COL8A1: variants seen among roughly 807,000 people sequenced by gnomAD.
The protein encoded by COL8A1 is collagen alpha-1(VIII) chain.
A neutral mutation model predicts 42.7 loss-of-function variants in COL8A1; 21 were observed. The ratio of observed to expected loss-of-function variants is 0.49; its 90% CI spans 0.35 to 0.71. COL8A1 has a LOEUF of 0.71. COL8A1 is among the 30% of genes least tolerant of loss of function. The probability of loss-of-function intolerance (pLI) is 0.01; values close to 1 mark genes in which losing one functional copy is unlikely to be tolerated. For synonymous variants in COL8A1, 367 were observed against 369.1 expected, an observed-to-expected ratio of 0.99 and a Z score of 0.06; for missense variants, 788 against 962.4, an observed-to-expected ratio of 0.82 and a Z score of 2.40.
chr3:99,659,088 A>G (rs1341124389), intron 1 of COL8A1, among the ~76,000 whole-genome samples: 1 of 152,216 alleles, frequency 6.6e-6, no homozygotes, highest in Non-Finnish European at 1.5e-5. Flanking sequence ...ACTAGGAAGA[A>G]CAAGACCAGA....
At chr3:99,693,472 G>A (rs1484173672) in intron 1 of COL8A1, among the ~76,000 whole-genome samples, 2 of 152,212 alleles carry the variant, frequency 1.3e-5, no homozygotes. Flanking sequence ...GTGGAGAACA[G>A]TGATATTGAT....
At chr3:99,745,541 G>A (rs1037849714) in intron 2 of COL8A1, among the ~76,000 whole-genome samples, 6 of 152,018 alleles carry the variant, frequency 3.9e-5, no homozygotes, top group Non-Finnish European at 8.8e-5. Flanking sequence ...TCTCTTAATT[G>A]GGGCAACTTT....
intron 1 of COL8A1, among the ~76,000 whole-genome samples, chr3:99,727,884 A>C (rs1378958615): frequency 1.3e-5 from 2 of 152,072 alleles, no homozygotes; most frequent in African/African-American, 2.4e-5. Flanking sequence ...GAACCAAAGA[A>C]AAAAACCACA....
chr3:99,738,754 A>T (rs1302451870), intron 1 of COL8A1, among the ~76,000 whole-genome samples: 1 of 152,180 alleles, frequency 6.6e-6, no homozygotes, highest in Non-Finnish European at 1.5e-5. Flanking sequence ...GGCTCCACCC[A>T]GTTCGAGCTT....
chr3:99,793,883 C>T (rs1168477943), intron 3 of COL8A1, among the ~76,000 whole-genome samples: 2 of 152,278 alleles, frequency 1.3e-5, no homozygotes, highest in East Asian at 3.9e-4. Flanking sequence ...TCCCAAGTAG[C>T]TGGGACTACA....
chr3:99,733,659 T>C lies in COL8A1; in HGVS notation c.-128-11238T>C, dbSNP rs1478829694. ...CATGATTTATAGTCCTTTGGGTATA[T>C]ACCCAGTAATGGGATGGCTGGGTCA... On this transcript the variant is annotated intron_variant, in intron 1 of 3. Coordinates refer to ENST00000652472, the MANE Select transcript of COL8A1 (RefSeq NM_020351.4). Among the ~76,000 whole-genome samples, 10 of 151,938 alleles carry C rather than the reference T, an allele frequency of 6.6e-5. No individual in the cohort carries two copies. In the East Asian group the frequency reaches 1.3e-3, roughly 20 times the overall value.
chr3:99,738,507 G>GC (rs748808054), intron 1 of COL8A1, among the ~76,000 whole-genome samples: 46 of 152,354 alleles, frequency 3.0e-4, no homozygotes, highest in Admixed American at 1.2e-3. Flanking sequence ...GTGTGCCCCT[G>GC]CTGGGGGTGC....
chr3:99,686,827 C>T (rs1057455884), intron 1 of COL8A1, among the ~76,000 whole-genome samples: 3 of 152,102 alleles, frequency 2.0e-5, no homozygotes, highest in Non-Finnish European at 4.4e-5. Context: ...AGGCACATGC[C>T]ACCATGCCTG....
intron 1 of COL8A1, among the ~76,000 whole-genome samples, chr3:99,728,217 T>A (rs1940395726): frequency 6.6e-6 from 1 of 152,216 alleles, no homozygotes; most frequent in East Asian, 1.9e-4. Context: ...TGTTTGCAGA[T>A]GACATGATTG....
intron 1 of COL8A1, among the ~76,000 whole-genome samples, chr3:99,732,664 C>G (rs1438773848): frequency 2.0e-5 from 3 of 152,036 alleles, no homozygotes; most frequent in African/African-American, 7.2e-5. Flanking sequence ...CACAGCCAAA[C>G]CATATCATTC....
intron 1 of COL8A1, among the ~76,000 whole-genome samples, chr3:99,665,099 C>T (rs1938323156): frequency 6.6e-6 from 1 of 152,234 alleles, no homozygotes; most frequent in South Asian, 2.1e-4. Context: ...CATGCTCCCT[C>T]ATCCCCTTCC....
At chr3:99,703,219 T>C (rs1260704302) in intron 1 of COL8A1, 2 of 152,218 alleles carry the variant, frequency 1.3e-5, no homozygotes, top group African/African-American at 4.8e-5. Flanking sequence ...TCTGTTTAGA[T>C]TAGACTCCAA....
At chr3:99,773,120 AAGC>A (rs1941611668) in intron 2 of COL8A1, among the ~76,000 whole-genome samples, 1 of 152,208 alleles carries the variant, frequency 6.6e-6, no homozygotes, top group African/African-American at 2.4e-5. Flanking sequence ...CTTATTTGTA[AAGC>A]ATCTAGCGCA....
chr3:99,748,562 G>A (rs1481654938), intron 2 of COL8A1, among the ~76,000 whole-genome samples: 1 of 151,982 alleles, frequency 6.6e-6, no homozygotes, highest in African/African-American at 2.4e-5. Flanking sequence ...TTATTAATAT[G>A]ATAATAAAAA....
chr3:99,673,357 A>G lies in COL8A1; in HGVS notation c.-129+34693A>G, dbSNP rs1938601583. On this transcript the variant is annotated intron_variant, in intron 1 of 3. Coordinates refer to ENST00000652472, the MANE Select transcript of COL8A1 (RefSeq NM_020351.4). Reference sequence around the variant, plus strand: ...CCTTGATCAAGAGTAAAAGTCCTTAAATTTTCTAGCTAAAAAGACTCAAAA... The same window carrying G: ...CCTTGATCAAGAGTAAAAGTCCTTAGATTTTCTAGCTAAAAAGACTCAAAA... Among the ~76,000 whole-genome samples, 4 of 152,058 alleles carry G rather than the reference A, an allele frequency of 2.6e-5. No individual in the cohort carries two copies. In the South Asian group the frequency reaches 8.3e-4, roughly 31 times the overall value.
chr3:99,787,852 A>C (rs1941924537), intron 2 of COL8A1, among the ~76,000 whole-genome samples: 1 of 82,784 alleles, frequency 1.2e-5, no homozygotes, highest in Non-Finnish European at 2.4e-5. Context: ...GTTCAAGAAC[A>C]CAAATACACA....
chr3:99,688,013 A>G (rs890626584), intron 1 of COL8A1, among the ~76,000 whole-genome samples: 7 of 152,222 alleles, frequency 4.6e-5, no homozygotes, highest in African/African-American at 1.7e-4. Context: ...ATGATCATCA[A>G]TATTCATGCA....
rs553808202 is a variant in COL8A1, at chr3:99,662,470, G to A, written c.-129+23806G>A. Among the ~76,000 whole-genome samples the A allele has an allele frequency of 6.6e-5, 10 of 152,142 alleles. No individual in the cohort carries two copies. In the South Asian group the frequency reaches 2.1e-3, roughly 32 times the overall value. ...ATGCAAGTCTTTCAAATGAGAAATA[G>A]CCATTGTGTAGAATCCCATGCAGTC... On this transcript the variant is annotated intron_variant, in intron 1 of 3. Transcript: ENST00000652472.
intron 2 of COL8A1, among the ~76,000 whole-genome samples, chr3:99,775,122 A>T (rs1941670496): frequency 6.6e-6 from 1 of 152,136 alleles, no homozygotes; most frequent in Non-Finnish European, 1.5e-5. Flanking sequence ...ATTATAAAGC[A>T]TTTAAACTAC....
Sources: gnomAD v4.1 joint callset for allele counts (sites outside exome capture counted in the v4.1 genomes callset) on GRCh38, gnomAD v4.1.1 for gene constraint, MANE v1.5 for transcripts, NCBI Gene and HGNC (gene_info 2026-07-23, HGNC 2026-07-21) for gene names.